Variants in NME1 observed in about 807,000 individuals in gnomAD.
NME1 encodes NME/NM23 nucleoside diphosphate kinase 1, also known as nucleoside diphosphate kinase A.
In NME1, 9 loss-of-function variants were observed where a neutral mutation model predicts 17.2. The ratio of observed to expected loss-of-function variants is 0.52; its 90% CI spans 0.32 to 0.92. The LOEUF (loss-of-function observed/expected upper bound fraction) is 0.92. Ranked by LOEUF, NME1 falls within the 40% of genes least tolerant of loss-of-function variation. NME1 has a pLI of 0.04. For synonymous variants in NME1, 72 were observed against 70.8 expected (o/e 1.02, Z -0.09); for missense variants, 169 against 201.7 (o/e 0.84, Z 0.98).
Position 51,162,069 on chromosome 17 carries a change from G to A in NME1, c.*224G>A. ...ATTGAGTTGGTTACTTCATATTGTT[G>A]CATTGCTTTTTTTTCCTTCTTTTCA... is the stretch of plus-strand genomic sequence containing the variant. On this transcript the variant is annotated 3_prime_UTR_variant, in exon 5 of 5. Transcript: ENST00000393196. 2 of 517,128 alleles carry A rather than the reference G, an allele frequency of 3.9e-6. No individual in the cohort carries two copies. Among genetic ancestry groups the A allele is most frequent in the South Asian group, 2.2e-5 (1 of 44,886 alleles). The allele number at this position is 517,128 out of a possible 1,614,324, so 32.0% of individuals were successfully genotyped here. A position where few individuals can be genotyped will look rare whatever the true frequency, so the allele number is the denominator to read the frequency against.
intron 1 of NME1, among the ~76,000 whole-genome samples, chr17:51,155,220 C>T (rs527312160): frequency 6.3e-4 from 84 of 134,380 alleles, no homozygotes; most frequent in Middle Eastern, 9.6e-3. Flanking sequence ...CCATCCTGGG[C>T]GAAAGAGCAA....
Position 51,161,265 on chromosome 17 carries a change from GT to G in NME1, c.336del (p.Gly113AlafsTer28). ...GTIRGDFCIQ[V>X]GRNIIHGSDS... Reference sequence around the variant, plus strand: ...CATCCGTGGAGACTTCTGCATACAAGTTGGCAGGTGAGATTTTGGTATTTTT... The same window carrying G: ...CATCCGTGGAGACTTCTGCATACAAGTGGCAGGTGAGATTTTGGTATTTTT... On this transcript the variant is annotated frameshift_variant, in exon 4 of 5. Transcript: ENST00000393196. LOFTEE classifies it high-confidence loss of function. 6.2e-7 allele frequency: 1 copy of G among 1,607,918 alleles called. No homozygotes were observed. Among genetic ancestry groups the G allele is most frequent in the Non-Finnish European group, 8.5e-7 (1 of 1,177,132 alleles).
rs1429011027 is a variant in NME1, at chr17:51,161,152, C to T, written c.229-8C>T. ...CTTCTTTGACCATATCTTCTTCTGT[C>T]CTTGGAGGTCTGGGAGGGGCTGAAT... On this transcript the variant is annotated splice_region_variant and splice_polypyrimidine_tract_variant and intron_variant, in intron 3 of 4. Coordinates refer to ENST00000393196, the MANE Select transcript of NME1 (RefSeq NM_000269.3). 6.2e-7 allele frequency: 1 copy of T among 1,606,526 alleles called. No individual in the cohort carries two copies. Among genetic ancestry groups the T allele is most frequent in the Non-Finnish European group, 8.5e-7 (1 of 1,176,478 alleles).
intron 2 of NME1, among the ~76,000 whole-genome samples, chr17:51,158,336 A>T (rs1363674597): frequency 6.6e-6 from 1 of 152,070 alleles, no homozygotes; most frequent in Non-Finnish European, 1.5e-5. Flanking sequence ...AGCTACTGAG[A>T]ATCTGAGGCA....
chr17:51,154,551 G>A, intron 1 of NME1: 1 of 946,476 alleles, frequency 1.1e-6, no homozygotes, highest in Non-Finnish European at 1.7e-6. Context: ...CCTAATGTCT[G>A]TAGTTCTCCC....
intron 1 of NME1, chr17:51,153,952 G>T: frequency 4.8e-6 from 1 of 207,822 alleles, no homozygotes; most frequent in Non-Finnish European, 1.0e-5. Flanking sequence ...TTGGCGCTCT[G>T]TAAGTGCTTG....
intron 2 of NME1, among the ~76,000 whole-genome samples, chr17:51,158,748 A>T (rs548633874): frequency 6.6e-6 from 1 of 152,230 alleles, no homozygotes; most frequent in African/African-American, 2.4e-5. Flanking sequence ...ACAGAGCTGG[A>T]AAAACCATGG....
At chr17:51,154,131 C>G in intron 1 of NME1, 1 of 516,926 alleles carries the variant, frequency 1.9e-6, no homozygotes, top group East Asian at 3.3e-5. Context: ...GTGCGATTCT[C>G]CGCAGTCTTT....
At chr17:51,161,447 C>T (rs1407478626) in intron 4 of NME1, 175 bp downstream of exon 4, 4 of 717,554 alleles carry the variant, frequency 5.6e-6, no homozygotes, top group East Asian at 5.4e-5. Context: ...ATCACTTAGT[C>T]GTACCTCTGT....
intron 1 of NME1, chr17:51,154,373 G>C (rs2049752957): frequency 6.2e-7 from 1 of 1,613,970 alleles, no homozygotes; most frequent in Non-Finnish European, 8.5e-7. Context: ...GGGGCCAAGA[G>C]ATGGTGCTAC....
chr17:51,154,691 C>T (rs1222599025), intron 1 of NME1, among the ~76,000 whole-genome samples: 1 of 152,150 alleles, frequency 6.6e-6, no homozygotes, highest in Non-Finnish European at 1.5e-5. Flanking sequence ...GGTCCTGTTT[C>T]CTCATTTGTA....
chr17:51,159,396 A>C (rs988691280), intron 2 of NME1, among the ~76,000 whole-genome samples: 3 of 152,180 alleles, frequency 2.0e-5, no homozygotes, highest in African/African-American at 7.2e-5. Flanking sequence ...CGGTCACCTG[A>C]GACCAGCCTG....
At chr17:51,159,417 C>A (rs1444002791) in intron 2 of NME1, among the ~76,000 whole-genome samples, 3 of 152,030 alleles carry the variant, frequency 2.0e-5, no homozygotes, top group Non-Finnish European at 4.4e-5. Context: ...GCCAACATGG[C>A]GAAACCCTGT....
At position 51,155,663 on chromosome 17, in the gene NME1, C is replaced by T; in HGVS notation, c.9C>T (p.Asn3=). Residue 3 remains asparagine, a synonymous_variant, in exon 2 of 5, where the codon AAC becomes AAT. Coordinates refer to ENST00000393196, the MANE Select transcript of NME1 (RefSeq NM_000269.3). MA[N]CERTFIAIKP... Reference sequence around the variant, plus strand: ...TGCCTATCCCCAGAACCATGGCCAACTGTGAGCGTACCTTCATTGCGATCA... The same window carrying T: ...TGCCTATCCCCAGAACCATGGCCAATTGTGAGCGTACCTTCATTGCGATCA... 5 of 1,614,020 alleles carry T rather than the reference C, an allele frequency of 3.1e-6. No homozygotes were observed. In the South Asian group the frequency reaches 4.4e-5, roughly 14 times the overall value.
rs772689768 is a variant in NME1, at chr17:51,154,492, T to TA, written c.-5+831dup. The stretch of plus-strand genomic sequence containing the variant: ...TGTAAAATGAGGGATCTGGACGGAA[T>TA]AGTTACTCTCTAGGCTTCCTTTCAG... On this transcript the variant is annotated intron_variant, in intron 1 of 4. Transcript: ENST00000393196. The TA allele has an allele frequency of 3.3e-6, 5 of 1,507,624 alleles. No individual in the cohort carries two copies. In the Admixed American group the frequency reaches 8.4e-5, roughly 25 times the overall value. 93.4% of individuals were successfully genotyped at this position (1,507,624 alleles called of 1,614,324 possible). A position where few individuals can be genotyped will look rare whatever the true frequency, so the allele number is the denominator to read the frequency against.
intron 1 of NME1, chr17:51,154,527 C>A: frequency 8.6e-7 from 1 of 1,165,530 alleles, no homozygotes; most frequent in Middle Eastern, 1.9e-4. Context: ...GTATGATGTC[C>A]CGTATCAGAT....
At chr17:51,154,908 T>A (rs1416184980) in intron 1 of NME1, among the ~76,000 whole-genome samples, 2 of 152,206 alleles carry the variant, frequency 1.3e-5, no homozygotes, top group African/African-American at 4.8e-5. Flanking sequence ...TCCACCGCAG[T>A]GTTTGGTACA....
At chr17:51,153,935 C>T (rs1218285296) in intron 1 of NME1, 2 of 192,084 alleles carry the variant, frequency 1.0e-5, no homozygotes, top group African/African-American at 2.4e-5. Flanking sequence ...CAGTGCCGGG[C>T]ACGGAGTTGG....
chr17:51,161,165 G>C lies in NME1; in HGVS notation c.234G>C (p.Trp78Cys). The C allele has an allele frequency of 1.9e-6, 3 of 1,610,294 alleles. No individual in the cohort carries two copies. Among genetic ancestry groups the C allele is most frequent in the Non-Finnish European group, 2.5e-6 (3 of 1,178,384 alleles). ...ATCTTCTTCTGTCCTTGGAGGTCTGGGAGGGGCTGAATGTGGTGAAGACGG... is the reference window on the plus strand; with the variant it reads ...ATCTTCTTCTGTCCTTGGAGGTCTGCGAGGGGCTGAATGTGGTGAAGACGG... Reference protein sequence around the residue: ...MHSGPVVAMVWEGLNVVKTGR... With the variant: ...MHSGPVVAMVCEGLNVVKTGR... The change falls in exon 4 of 5, where the codon TGG (tryptophan) becomes TGC (cysteine). Residue 78 changes from tryptophan to cysteine, a missense_variant. By Grantham distance (215) the Trp-to-Cys change is radical (BLOSUM62 -2). Transcript: ENST00000393196.
Sources: allele counts gnomAD v4.1 joint callset (sites outside exome capture counted in the v4.1 genomes callset), GRCh38; gene constraint gnomAD v4.1.1; transcripts MANE v1.5; gene names NCBI Gene and HGNC (gene_info 2026-07-23, HGNC 2026-07-21).